Variants in ZNF84 observed in about 807,000 individuals in gnomAD.
The protein encoded by ZNF84 is zinc finger protein 84.
Under a neutral mutation model 14.8 loss-of-function variants are expected in ZNF84, and 12 were observed. The ratio of observed to expected loss-of-function variants is 0.81; its 90% confidence interval spans 0.52 to 1.31. ZNF84 has a LOEUF of 1.31. ZNF84 is among the 50% of genes most tolerant of loss of function. The pLI is 0.00. For missense variants in ZNF84, 859 were observed against 878.6 expected, an observed-to-expected ratio of 0.98 and a Z score of 0.28; for synonymous variants, 347 against 291.1, an observed-to-expected ratio of 1.19 and a Z score of -1.96.
intron 1 of ZNF84, among the ~76,000 whole-genome samples, chr12:133,039,200 A>C (rs1953843417): frequency 6.6e-6 from 1 of 152,212 alleles, no homozygotes; most frequent in South Asian, 2.1e-4. Context: ...TATAACTGGG[A>C]GAAACTGCTG....
At chr12:133,051,615 G>C (rs1954070480) in intron 4 of ZNF84, among the ~76,000 whole-genome samples, 1 of 152,138 alleles carries the variant, frequency 6.6e-6, no homozygotes, top group Non-Finnish European at 1.5e-5. Context: ...CTATCCCTCT[G>C]CAGCAAAAAT....
At chr12:133,047,913 G>A (rs1424671215) in intron 2 of ZNF84, 42 bp from the exon 3 acceptor site, 10 of 1,603,604 alleles carry the variant, frequency 6.2e-6, no homozygotes, top group East Asian at 4.5e-5. Context: ...CACATCATAC[G>A]GTGTTAACTG....
intron 4 of ZNF84, among the ~76,000 whole-genome samples, chr12:133,054,630 T>C (rs1318345967): frequency 1.3e-5 from 2 of 151,682 alleles, no homozygotes; most frequent in Non-Finnish European, 2.9e-5. Flanking sequence ...TCCTTTTTTT[T>C]TTTTTTAGGT....
chr12:133,041,281 A>C lies in ZNF84; in HGVS notation c.-187A>C. On this transcript the variant is annotated 5_prime_UTR_variant, in exon 2 of 5. Transcript: ENST00000539354. ...TTGAAGTACATTTCTCCCGAAGTCC[A>C]CAGATCCTGGTCCCTACAAATAAGC... 1 of 591,470 alleles carries C rather than the reference A, an allele frequency of 1.7e-6. No individual in the cohort carries two copies. The highest frequency in any genetic ancestry group is 2.3e-5 in the South Asian group (1 of 44,126). The allele number at this position is 591,470 out of a possible 1,614,324, so 36.6% of individuals were successfully genotyped here. A position where few individuals can be genotyped will look rare whatever the true frequency, so the allele number is the denominator to read the frequency against.
intron 1 of ZNF84, chr12:133,040,790 G>T (rs1163891513): frequency 1.3e-5 from 2 of 151,986 alleles, no homozygotes; most frequent in African/African-American, 4.8e-5. Context: ...TAGTCATATT[G>T]TGAGATTTTA....
Position 133,041,380 on chromosome 12 carries a change from C to T in ZNF84, c.-88C>T, listed in dbSNP as rs1197250908. 8.1e-6 allele frequency: 11 copies of T among 1,358,920 alleles called. No individual in the cohort carries two copies. The Admixed American group carries it at 1.9e-4, about 23-fold the overall frequency. 84.2% of individuals were successfully genotyped at this position (1,358,920 alleles called of 1,614,324 possible). On this transcript the variant is annotated 5_prime_UTR_variant, in exon 2 of 5. Transcript: ENST00000539354. ...TCAGTGTAGAAGACCTAGCTGAGACCTCACTCCACAGTTTTGGGGCAGAAG... is the reference window on the plus strand; with the variant it reads ...TCAGTGTAGAAGACCTAGCTGAGACTTCACTCCACAGTTTTGGGGCAGAAG...
intron 4 of ZNF84, among the ~76,000 whole-genome samples, chr12:133,054,317 TG>T (rs1954115225): frequency 6.6e-6 from 1 of 152,042 alleles, no homozygotes; most frequent in South Asian, 2.1e-4. Context: ...CCTGGGAGCC[TG>T]GGGGGTTGAG....
intron 2 of ZNF84, among the ~76,000 whole-genome samples, chr12:133,045,268 C>T (rs989412188): frequency 1.3e-4 from 19 of 151,900 alleles, no homozygotes; most frequent in African/African-American, 2.7e-4. Context: ...GTCAGGAGTT[C>T]GAGAGCAGCC....
intron 2 of ZNF84, among the ~76,000 whole-genome samples, chr12:133,046,508 G>A (rs1416432165): frequency 1.3e-5 from 2 of 151,998 alleles, no homozygotes; most frequent in Admixed American, 1.3e-4. Flanking sequence ...CTCAAATAGA[G>A]TGAAGTGCTG....
At chr12:133,055,274 C>T (rs1954134523) in intron 4 of ZNF84, among the ~76,000 whole-genome samples, 1 of 151,872 alleles carries the variant, frequency 6.6e-6, no homozygotes, top group African/African-American at 2.4e-5. Flanking sequence ...CAAAAGTAAA[C>T]TCAAAAAACA....
At position 133,057,789 on chromosome 12, in the gene ZNF84, G is replaced by T; in HGVS notation, c.1074G>T (p.Arg358Ser). The T allele has an allele frequency of 1.9e-6, 3 of 1,614,154 alleles. No individual in the cohort carries two copies. Among genetic ancestry groups the T allele is most frequent in the Non-Finnish European group, 1.7e-6 (2 of 1,180,032 alleles). ...GGGAATGTGGGAAAGCCTTCAGCAG[G>T]AAGTCACAACTCGTTACACATCACA... ...ECRECGKAFS[R>S]KSQLVTHHRT... Residue 358 changes from arginine (R) to serine (S), a missense_variant, in exon 5 of 5, where the codon AGG becomes AGT. Transcript: ENST00000539354.
chr12:133,038,416 C>T (rs115274077), intron 1 of ZNF84, among the ~76,000 whole-genome samples: 6,460 of 151,524 alleles, frequency 0.043, 461 homozygotes, highest in African/African-American at 0.15. Context: ...AGCATCCAGG[C>T]CCGGTGTGGT....
In ZNF84 at chr12:133,040,131, C is replaced by T. The variant is rs1055575449; in HGVS notation, c.-190-1147C>T. On this transcript the variant is annotated intron_variant, in intron 1 of 4. Transcript: ENST00000539354. ...TGCTGGAATTACAGGCGTAAGCCAT[C>T]GCTCCTGGCCAATTTGGATTTTTTT... Among the ~76,000 whole-genome samples, 9 of 151,984 alleles carry T rather than the reference C, an allele frequency of 5.9e-5. No individual in the cohort carries two copies. In the East Asian group the frequency reaches 1.4e-3, roughly 23 times the overall value.
At chr12:133,048,892 C>T in intron 4 of ZNF84, 44 bp downstream of exon 4, 1 of 1,520,100 alleles carries the variant, frequency 6.6e-7, no homozygotes, top group East Asian at 2.3e-5. Context: ...GCAGAAGCCC[C>T]ATGTCATCTG....
At position 133,057,268 on chromosome 12, in the gene ZNF84, TATAAAG is replaced by T; in HGVS notation, c.555_560del (p.Tyr185_Glu187delinsTer). 1.2e-6 allele frequency: 2 copies of T among 1,613,764 alleles called. No homozygotes were observed. Among genetic ancestry groups the T allele is most frequent in the Non-Finnish European group, 1.7e-6 (2 of 1,179,942 alleles). ...GTTAAAATACTATGACTGTGATAAA[TATAAAG>T]AGAGCTATAAAAAGTCACAGATTAT... is the stretch of plus-strand genomic sequence containing the variant. On this transcript the variant is annotated stop_gained and inframe_deletion, in exon 5 of 5. Coordinates refer to ENST00000539354, the MANE Select transcript of ZNF84 (RefSeq NM_001289971.2). LOFTEE classifies it low-confidence loss of function (END_TRUNC).
intron 3 of ZNF84, chr12:133,048,511 T>C (rs994994907): frequency 6.1e-6 from 2 of 328,424 alleles, no homozygotes; most frequent in Middle Eastern, 9.0e-4. Context: ...TAACAGCTAG[T>C]AAATTAAAGA....
chr12:133,062,125 C>T lies in ZNF84; in HGVS notation c.*3193C>T, dbSNP rs1954274928. On this transcript the variant is annotated 3_prime_UTR_variant, in exon 5 of 5. Transcript: ENST00000539354. Reference sequence around the variant, plus strand: ...TCATCTTTTCTTATTCTCTTACTGCCTGGATTTTCCCACTGACCTGGAATT... The same window carrying T: ...TCATCTTTTCTTATTCTCTTACTGCTTGGATTTTCCCACTGACCTGGAATT... The T allele has an allele frequency of 6.6e-6, 1 of 152,192 alleles. No homozygotes were observed. The highest frequency in any genetic ancestry group is 2.4e-5 in the African/African-American group (1 of 41,450). The allele number at this position is 152,192 out of a possible 1,614,324, so 9.4% of individuals were successfully genotyped here. A position where few individuals can be genotyped will look rare whatever the true frequency, so the allele number is the denominator to read the frequency against.
Position 133,058,409 on chromosome 12 carries a change from A to G in ZNF84, c.1694A>G (p.His565Arg), listed in dbSNP as rs199775228. The change falls in exon 5 of 5, where the codon CAT becomes CGT. Residue 565 changes from histidine to arginine, a missense_variant. His to Arg is a conservative substitution (Grantham distance 29). Transcript: ENST00000539354. ...AGTCTTGCAACTCATCAGAGAACTC[A>G]TACTGGAGAAAAACCGTATGAATGC... ...KSSLATHQRTHTGEKPYECRD... is the reference protein window; with the variant it reads ...KSSLATHQRTRTGEKPYECRD... The G allele has an allele frequency of 1.9e-6, 3 of 1,614,072 alleles. No homozygotes were observed. The highest frequency in any genetic ancestry group is 1.7e-6 in the Non-Finnish European group (2 of 1,179,946).
At position 133,058,929 on chromosome 12, in the gene ZNF84, C is replaced by A; in HGVS notation, c.2214C>A (p.Ser738=). The part of the protein sequence containing the change: ...NHQRTHTVKK[S] ...AGAGAACTCATACAGTAAAAAAATCCTAGGAATACAGTTAATAGTAGTCTT... is the reference window on the plus strand; with the variant it reads ...AGAGAACTCATACAGTAAAAAAATCATAGGAATACAGTTAATAGTAGTCTT... The change falls in exon 5 of 5, where the codon TCC becomes TCA. Residue 738 remains serine, a synonymous_variant. Transcript: ENST00000539354. 1 of 1,593,134 alleles carries A rather than the reference C, an allele frequency of 6.3e-7. No individual in the cohort carries two copies. Among genetic ancestry groups the A allele is most frequent in the Non-Finnish European group, 8.5e-7 (1 of 1,171,674 alleles).
Sources: gnomAD v4.1 joint callset for allele counts (sites outside exome capture counted in the v4.1 genomes callset) on GRCh38, gnomAD v4.1.1 for gene constraint, MANE v1.5 for transcripts, NCBI Gene and HGNC (gene_info 2026-07-23, HGNC 2026-07-21) for gene names.